RAPGEF2: variants seen among roughly 807,000 people sequenced by gnomAD.
RAPGEF2 encodes Rap guanine nucleotide exchange factor 2.
A neutral mutation model predicts 186.7 loss-of-function variants in RAPGEF2; 54 were observed. The observed-to-expected ratio is 0.29, with a 90% CI of 0.23 to 0.36. RAPGEF2 has a LOEUF of 0.36. RAPGEF2 is among the 10% of genes least tolerant of loss of function. The pLI is 1.00. For missense variants in RAPGEF2, 1,532 were observed against 2,045.0 expected (o/e 0.75, Z 4.84); for synonymous variants, 712 against 705.9 (o/e 1.01, Z -0.14).
intron 17 of RAPGEF2, 115 bp from the exon 18 acceptor site, chr4:159,338,196 T>C: frequency 1.1e-6 from 1 of 894,532 alleles, no homozygotes; most frequent in Non-Finnish European, 1.6e-6. Flanking sequence ...AATGGTGTTT[T>C]TACATGAGCT....
intron 3 of RAPGEF2, among the ~76,000 whole-genome samples, chr4:159,196,641 A>G (rs1186551157): frequency 6.6e-6 from 1 of 152,260 alleles, no homozygotes; most frequent in Non-Finnish European, 1.5e-5. Flanking sequence ...AGTAACCTGT[A>G]CAGAGTGTTT....
intron 26 of RAPGEF2, chr4:159,351,286 A>T (rs1580062160): frequency 1.6e-6 from 2 of 1,252,506 alleles, no homozygotes; most frequent in Non-Finnish European, 2.1e-6. Flanking sequence ...CATCTGAGTG[A>T]TTTATTTTTC....
At chr4:159,139,558 T>A (rs1418645847) in intron 1 of RAPGEF2, among the ~76,000 whole-genome samples, 3 of 152,012 alleles carry the variant, frequency 2.0e-5, no homozygotes, top group Non-Finnish European at 4.4e-5. Context: ...ATACATGGAG[T>A]GTGATACTGG....
chr4:159,226,998 A>C (rs1752109033), intron 4 of RAPGEF2, among the ~76,000 whole-genome samples: 1 of 152,212 alleles, frequency 6.6e-6, no homozygotes, highest in Non-Finnish European at 1.5e-5. Context: ...AACTTCTAAG[A>C]ATTATGAATA....
At chr4:159,253,286 T>C (rs957229065) in intron 7 of RAPGEF2, among the ~76,000 whole-genome samples, 1 of 152,268 alleles carries the variant, frequency 6.6e-6, no homozygotes, top group Non-Finnish European at 1.5e-5. Context: ...TACTCTCTTT[T>C]ATTAAAACCC....
chr4:159,224,536 G>A (rs1175905630), intron 4 of RAPGEF2, among the ~76,000 whole-genome samples: 1 of 152,154 alleles, frequency 6.6e-6, no homozygotes, highest in Non-Finnish European at 1.5e-5. Context: ...TATTAGATTT[G>A]CCTGGCTTAG....
intron 1 of RAPGEF2, among the ~76,000 whole-genome samples, chr4:159,139,999 A>G (rs139961960): frequency 4.6e-5 from 7 of 152,324 alleles, no homozygotes; most frequent in Non-Finnish European, 8.8e-5. Context: ...TTTCACCATT[A>G]TGAGTACCTT....
chr4:159,316,684 A>G (rs750075224), intron 9 of RAPGEF2, among the ~76,000 whole-genome samples: 1 of 152,176 alleles, frequency 6.6e-6, no homozygotes, highest in Non-Finnish European at 1.5e-5. Context: ...TCCATGGTGT[A>G]TATTTACCAC....
At position 159,330,455 on chromosome 4, in the gene RAPGEF2, A is replaced by G. The variant is rs1766533583; in HGVS notation, c.1424A>G (p.Lys475Arg). 1 of 1,607,842 alleles carries G rather than the reference A, an allele frequency of 6.2e-7. No individual in the cohort carries two copies. The highest frequency in any genetic ancestry group is 8.5e-7 in the Non-Finnish European group (1 of 1,178,496). Residue 475 changes from lysine (K) to arginine (R), a missense_variant, in exon 13 of 30, where the codon AAA (lysine) becomes AGA (arginine). Lys to Arg is a conservative substitution (Grantham distance 26). Transcript: ENST00000691494. ...TFLSSPMEVGKKLLEWFNDPS... is the reference protein window; with the variant it reads ...TFLSSPMEVGRKLLEWFNDPS... ...CTTTCTAGCCCAATGGAAGTGGGCA[A>G]AAAGTTATTGGAGTGGTTTAATGAC... is the stretch of plus-strand genomic sequence containing the variant.
chr4:159,244,802 G>A (rs1332441185), intron 7 of RAPGEF2, among the ~76,000 whole-genome samples: 1 of 151,880 alleles, frequency 6.6e-6, no homozygotes, highest in Non-Finnish European at 1.5e-5. Flanking sequence ...AAGAGAGTAC[G>A]TATTAGAATG....
chr4:159,155,985 T>C (rs1744075841), intron 1 of RAPGEF2, among the ~76,000 whole-genome samples: 1 of 152,218 alleles, frequency 6.6e-6, no homozygotes, highest in Non-Finnish European at 1.5e-5. Flanking sequence ...TTTCTAGATA[T>C]ATGAGCTACT....
intron 7 of RAPGEF2, among the ~76,000 whole-genome samples, chr4:159,303,717 A>G (rs1427069492): frequency 6.6e-6 from 1 of 151,850 alleles, no homozygotes; most frequent in Non-Finnish European, 1.5e-5. Flanking sequence ...GAATGTGTTT[A>G]TTTTAATAGA....
chr4:159,331,562 G>A, intron 14 of RAPGEF2, 24 bp downstream of exon 14: 1 of 1,610,524 alleles, frequency 6.2e-7, no homozygotes, highest in South Asian at 1.1e-5. Context: ...TTTTTTTTAA[G>A]ATCAGCTTAA....
chr4:159,228,832 A>G (rs1579524964), intron 4 of RAPGEF2, among the ~76,000 whole-genome samples: 1 of 152,186 alleles, frequency 6.6e-6, no homozygotes, highest in African/African-American at 2.4e-5. Flanking sequence ...AAAAGATTAC[A>G]TGTATTTTAT....
At chr4:159,201,518 G>A (rs926351556) in intron 3 of RAPGEF2, among the ~76,000 whole-genome samples, 1 of 152,186 alleles carries the variant, frequency 6.6e-6, no homozygotes, top group African/African-American at 2.4e-5. Flanking sequence ...AGGATAATTT[G>A]TTGTAAATAA....
In RAPGEF2 at chr4:159,350,227, T is replaced by C; in HGVS notation, c.3803T>C (p.Ile1268Thr). 6.2e-7 allele frequency: 1 copy of C among 1,601,212 alleles called. No homozygotes were observed. ...CACAAGAAACAGGCTGAAGATACAA[T>C]ATCAAATGCATCTTCGCAGCTTTCT... ...ERHKKQAEDT[I>T]SNASSQLSSP... Residue 1268 changes from isoleucine (I) to threonine (T), a missense_variant, in exon 26 of 30, where the codon ATA (isoleucine) becomes ACA (threonine). Physicochemically the swap from Ile to Thr is moderately conservative, Grantham distance 89. Coordinates refer to ENST00000691494, the MANE Select transcript of RAPGEF2 (RefSeq NM_001394067.2).
chr4:159,214,221 C>T (rs1750793121), intron 4 of RAPGEF2, among the ~76,000 whole-genome samples: 1 of 152,138 alleles, frequency 6.6e-6, no homozygotes, highest in South Asian at 2.1e-4. Context: ...CAATTGTGGA[C>T]ACTGTTGTAA....
At chr4:159,289,897 G>T (rs1292855523) in intron 7 of RAPGEF2, among the ~76,000 whole-genome samples, 1 of 152,100 alleles carries the variant, frequency 6.6e-6, no homozygotes, top group African/African-American at 2.4e-5. Flanking sequence ...ACCAGAAATA[G>T]ATTTATATAT....
At chr4:159,133,189 T>C (rs1465253562) in intron 1 of RAPGEF2, among the ~76,000 whole-genome samples, 1 of 152,150 alleles carries the variant, frequency 6.6e-6, no homozygotes, top group Non-Finnish European at 1.5e-5. Context: ...GTGTGTGTGA[T>C]TAACCATTAC....
Sources: gnomAD v4.1 joint callset for allele counts (sites outside exome capture counted in the v4.1 genomes callset) on GRCh38, gnomAD v4.1.1 for gene constraint, MANE v1.5 for transcripts, NCBI Gene and HGNC (gene_info 2026-07-23, HGNC 2026-07-21) for gene names.